The following HTR2A variants were observed in gnomAD, a reference collection of about 807,000 sequenced individuals.
HTR2A encodes 5-HT2 receptor.
A neutral mutation model predicts 31.0 loss-of-function variants in HTR2A; 14 were observed. That is an observed-to-expected ratio of 0.45 (90% CI 0.30 to 0.71). The LOEUF is 0.71. HTR2A is among the 30% of genes least tolerant of loss of function. HTR2A has a pLI of 0.09. For missense variants in HTR2A, 442 were observed against 573.3 expected (o/e 0.77, Z 2.34); for synonymous variants, 209 against 225.2 (o/e 0.93, Z 0.64).
chr13:46,863,630 G>GAAAA (rs59693757), intron 3 of HTR2A, among the ~76,000 whole-genome samples: 13 of 59,246 alleles, frequency 2.2e-4, no homozygotes, highest in East Asian at 5.7e-4. Context: ...CCCTCAAAAT[G>GAAAA]AAAAAAAAAA....
At chr13:46,864,658 C>T (rs895948986) in intron 3 of HTR2A, among the ~76,000 whole-genome samples, 13 of 152,112 alleles carry the variant, frequency 8.5e-5, no homozygotes, top group African/African-American at 3.1e-4. Flanking sequence ...GTTTGTTTTT[C>T]CCTTTATAAG....
At chr13:46,843,531 C>T (rs1029730506) in intron 3 of HTR2A, among the ~76,000 whole-genome samples, 2 of 152,056 alleles carry the variant, frequency 1.3e-5, no homozygotes. Context: ...CTCCTGAGGG[C>T]ATAGGCCTTG....
intron 3 of HTR2A, among the ~76,000 whole-genome samples, chr13:46,847,822 G>A (rs145195269): frequency 1.2e-3 from 185 of 152,148 alleles, no homozygotes; most frequent in African/African-American, 4.3e-3. Context: ...TCTGGGATTC[G>A]GATAAAAATT....
rs7997977 is a variant in HTR2A, at chr13:46,896,131, T to C, written c.-225A>G. 5.1e-4 allele frequency: 646 copies of C among 1,271,476 alleles called. 2 individuals carry two copies. The African/African-American group carries it at 9.4e-3, about 19-fold the overall frequency. 78.8% of individuals were successfully genotyped at this position (1,271,476 alleles called of 1,614,324 possible). ...TTCACAATTTTAGGAGAGTCCACTG[T>C]TTGGTTTTATTATTTTCTCACCAAA... On this transcript the variant is annotated 5_prime_UTR_variant, in exon 2 of 4. Transcript: ENST00000542664.
intron 3 of HTR2A, among the ~76,000 whole-genome samples, chr13:46,842,485 C>T (rs911361597): frequency 2.6e-5 from 4 of 152,086 alleles, no homozygotes; most frequent in African/African-American, 7.2e-5. Flanking sequence ...AGCTAGATTG[C>T]GGCAGGTGCG....
chr13:46,881,349 T>C lies in HTR2A; in HGVS notation c.613+11041A>G, dbSNP rs142299448. On this transcript the variant is annotated intron_variant, in intron 3 of 3. Transcript: ENST00000542664. ...ACAGCTCTCCAGCACTGCCATACTC[T>C]AGAGACAGTAGCACTTTCTCTCAAC... is the stretch of plus-strand genomic sequence containing the variant. 5.3e-3 allele frequency among the ~76,000 whole-genome samples: 801 copies of C among 152,282 alleles called. 8 individuals carry two copies. The highest frequency in any genetic ancestry group is 0.018 in the African/African-American group (767 of 41,554).
At chr13:46,838,074 C>T (rs1380082803) in intron 3 of HTR2A, among the ~76,000 whole-genome samples, 1 of 152,202 alleles carries the variant, frequency 6.6e-6, no homozygotes, top group Non-Finnish European at 1.5e-5. Context: ...ACCAGTTTTG[C>T]TTATCCTTCG....
chr13:46,891,730 C>T (rs1044874875), intron 3 of HTR2A, among the ~76,000 whole-genome samples: 8 of 152,186 alleles, frequency 5.3e-5, no homozygotes, highest in Non-Finnish European at 1.5e-5. Context: ...CTGAGACCCG[C>T]CCCCTTAGCT....
chr13:46,893,905 CAAGTA>C (rs1951076400), intron 2 of HTR2A, among the ~76,000 whole-genome samples: 1 of 152,186 alleles, frequency 6.6e-6, no homozygotes, highest in South Asian at 2.1e-4. Context: ...GATATTTAGA[CAAGTA>C]AAGGGCGTAG....
chr13:46,859,082 T>C (rs538551790), intron 3 of HTR2A, among the ~76,000 whole-genome samples: 16 of 152,356 alleles, frequency 1.1e-4, no homozygotes, highest in African/African-American at 3.8e-4. Flanking sequence ...AAAACTACTT[T>C]ATCTTTTGAA....
chr13:46,863,342 C>T (rs908464171), intron 3 of HTR2A, among the ~76,000 whole-genome samples: 1 of 152,054 alleles, frequency 6.6e-6, no homozygotes, highest in Non-Finnish European at 1.5e-5. Context: ...TTGTAATTGG[C>T]CCGGTGTGGT....
At chr13:46,893,119 T>C (rs1240030645) in intron 2 of HTR2A, among the ~76,000 whole-genome samples, 3 of 152,232 alleles carry the variant, frequency 2.0e-5, no homozygotes, top group African/African-American at 4.8e-5. Flanking sequence ...ATTGTGAATA[T>C]GTCTGTTTGT....
At chr13:46,882,549 C>T (rs74400361) in intron 3 of HTR2A, among the ~76,000 whole-genome samples, 2,928 of 152,098 alleles carry the variant, frequency 0.019, 91 homozygotes, top group African/African-American at 0.067. Context: ...GCTTTTGTAG[C>T]AATGATTCAA....
intron 3 of HTR2A, among the ~76,000 whole-genome samples, chr13:46,848,479 T>C (rs769345783): frequency 4.1e-4 from 63 of 152,172 alleles, no homozygotes; most frequent in Admixed American, 3.5e-3. Context: ...GTAAGTTTAA[T>C]AGGTAAAAAG....
chr13:46,859,804 G>C (rs752262363), intron 3 of HTR2A, among the ~76,000 whole-genome samples: 8 of 152,134 alleles, frequency 5.3e-5, no homozygotes, highest in Non-Finnish European at 1.2e-4. Context: ...ATTTCTTTAC[G>C]GCAATGCAAG....
intron 3 of HTR2A, among the ~76,000 whole-genome samples, chr13:46,874,753 G>A (rs1950893633): frequency 6.6e-6 from 1 of 152,222 alleles, no homozygotes; most frequent in Admixed American, 6.5e-5. Context: ...TAGAACTGTT[G>A]AGGACTGGTA....
rs1236505640 is a variant in HTR2A, at chr13:46,832,881, A to G, written c.*1956T>C. 1.3e-5 allele frequency: 2 copies of G among 152,168 alleles called. No individual in the cohort carries two copies. Among genetic ancestry groups the G allele is most frequent in the Non-Finnish European group, 2.9e-5 (2 of 68,018 alleles). The allele number at this position is 152,168 out of a possible 1,614,324, so 9.4% of individuals were successfully genotyped here. On this transcript the variant is annotated 3_prime_UTR_variant, in exon 4 of 4. Coordinates refer to ENST00000542664, the MANE Select transcript of HTR2A (RefSeq NM_000621.5). ...ATAGAAATGCTTCAGCATTGTAATC[A>G]TATATATAACATTGATTCTAATAAC...
intron 3 of HTR2A, among the ~76,000 whole-genome samples, chr13:46,863,166 CTT>C (rs1187610201): frequency 6.6e-6 from 1 of 152,028 alleles, no homozygotes; most frequent in Non-Finnish European, 1.5e-5. Flanking sequence ...ATACAAAACT[CTT>C]AATTTCTTAT....
intron 3 of HTR2A, among the ~76,000 whole-genome samples, chr13:46,889,515 A>C (rs918138395): frequency 2.6e-5 from 4 of 152,268 alleles, no homozygotes; most frequent in Admixed American, 2.6e-4. Context: ...GAAAAAGAAA[A>C]CTTGTAAGAA....
Sources: gnomAD v4.1 joint callset for allele counts (sites outside exome capture counted in the v4.1 genomes callset) on GRCh38, gnomAD v4.1.1 for gene constraint, MANE v1.5 for transcripts, NCBI Gene and HGNC (gene_info 2026-07-23, HGNC 2026-07-21) for gene names.